The following TRERF1 variants were observed in gnomAD, a reference collection of about 807,000 sequenced individuals.
The protein encoded by TRERF1 is transcriptional-regulating factor 1.
In TRERF1, 27 loss-of-function variants were observed where a neutral mutation model predicts 122.9. That is an observed-to-expected ratio of 0.22 (90% CI 0.16 to 0.30). TRERF1 has a LOEUF of 0.30. TRERF1 is among the 10% of genes least tolerant of loss of function. TRERF1 has a pLI of 1.00. For missense variants in TRERF1, 1,248 were observed against 1,560.3 expected, an observed-to-expected ratio of 0.80 and a Z score of 3.37; for synonymous variants, 636 against 641.7, an observed-to-expected ratio of 0.99 and a Z score of 0.13.
chr6:42,319,666 T>C lies in TRERF1; in HGVS notation c.-370-18917A>G, dbSNP rs997972373. On this transcript the variant is annotated intron_variant, in intron 3 of 17. Coordinates refer to ENST00000372922, the Ensembl canonical transcript of TRERF1. ...GGGAAACCCCATGTCTACAAAAAAA[T>C]GTAAAAATTAACTGGGTGTGATGGT... is the stretch of plus-strand genomic sequence containing the variant. Among the ~76,000 whole-genome samples, 4 of 151,698 alleles carry C rather than the reference T, an allele frequency of 2.6e-5. No homozygotes were observed. In the South Asian group the frequency reaches 6.3e-4, roughly 24 times the overall value.
chr6:42,452,073 C>G (rs1020194989), upstream of TRERF1: 3 of 152,426 alleles, frequency 2.0e-5, no homozygotes, highest in African/African-American at 4.8e-5. Flanking sequence ...TTATCCGCTC[C>G]CCGGTACCCC....
At chr6:42,235,571 C>A (rs1426912585) in intron 16 of TRERF1, among the ~76,000 whole-genome samples, 1 of 152,096 alleles carries the variant, frequency 6.6e-6, no homozygotes, top group Non-Finnish European at 1.5e-5. Context: ...AAAGTAGTAG[C>A]CTCTGTATTT....
chr6:42,429,067 G>A (rs1037840769), intron 2 of TRERF1, among the ~76,000 whole-genome samples: 2 of 152,164 alleles, frequency 1.3e-5, no homozygotes, highest in Non-Finnish European at 1.5e-5. Flanking sequence ...GGCGCTGGGT[G>A]AATGTTACTG....
At chr6:42,382,323 C>A (rs1034508118) in intron 2 of TRERF1, among the ~76,000 whole-genome samples, 1 of 151,700 alleles carries the variant, frequency 6.6e-6, no homozygotes, top group Non-Finnish European at 1.5e-5. Flanking sequence ...TCAGACCCTT[C>A]CAGCCTCAGG....
At chr6:42,328,322 T>TA (rs1159001200) in intron 3 of TRERF1, among the ~76,000 whole-genome samples, 1 of 151,854 alleles carries the variant, frequency 6.6e-6, no homozygotes, top group East Asian at 1.9e-4. Flanking sequence ...TATCCCTAAT[T>TA]AAAAAACAAA....
chr6:42,269,265 C>A lies in TRERF1; in HGVS notation c.326G>T (p.Gly109Val). 6.2e-7 allele frequency: 1 copy of A among 1,614,154 alleles called. No individual in the cohort carries two copies. The highest frequency in any genetic ancestry group is 8.5e-7 in the Non-Finnish European group (1 of 1,180,028). Residue 109 changes from glycine to valine, a missense_variant, in exon 5 of 18, where the codon GGG becomes GTG. Around this residue, in one of 5 missense-constraint regions of TRERF1, gnomAD observed 946 missense variants for 1,073.0 expected, o/e 0.88. Transcript: ENST00000372922. The surrounding 1 kb of genome is among the most constrained non-coding windows in gnomAD (Gnocchi z 4.9). ...AGTGGGCTCAGCCTGGGCTGGTGCC[C>A]CCCACATCATGTTTGAGTTGGCCAG...
intron 3 of TRERF1, among the ~76,000 whole-genome samples, chr6:42,346,919 C>T (rs570941461): frequency 6.6e-6 from 1 of 152,318 alleles, no homozygotes; most frequent in East Asian, 1.9e-4. Flanking sequence ...TGTGTCCTTC[C>T]TGCTGTCCTC....
intron 3 of TRERF1, among the ~76,000 whole-genome samples, chr6:42,328,537 T>C (rs1317509702): frequency 2.6e-5 from 4 of 152,226 alleles, no homozygotes; most frequent in African/African-American, 9.6e-5. Context: ...CTGTTGTTCC[T>C]CTCTTTGTGT....
chr6:42,443,946 T>C (rs1786999660), intron 2 of TRERF1, among the ~76,000 whole-genome samples: 1 of 152,132 alleles, frequency 6.6e-6, no homozygotes, highest in Admixed American at 6.5e-5. Flanking sequence ...TGATTCCCTC[T>C]CACAACTTGA....
chr6:42,340,806 T>C (rs1338362161), intron 3 of TRERF1, among the ~76,000 whole-genome samples: 1 of 152,210 alleles, frequency 6.6e-6, no homozygotes, highest in Non-Finnish European at 1.5e-5. Context: ...TAAATTAACA[T>C]TCTCAGAGGA....
intron 4 of TRERF1, among the ~76,000 whole-genome samples, chr6:42,285,324 A>G (rs540433718): frequency 6.8e-4 from 104 of 152,270 alleles, no homozygotes; most frequent in Non-Finnish European, 1.2e-3. Context: ...ATTTTTGTAC[A>G]TTGATTTTGT....
chr6:42,375,037 A>C (rs147512946), intron 2 of TRERF1, among the ~76,000 whole-genome samples: 152 of 151,094 alleles, frequency 1.0e-3, no homozygotes, highest in Non-Finnish European at 1.5e-3. Flanking sequence ...CATAAGCACC[A>C]ATGTGTTTTG....
At chr6:42,244,027 C>T (rs781381434) in intron 14 of TRERF1, among the ~76,000 whole-genome samples, 9 of 151,496 alleles carry the variant, frequency 5.9e-5, no homozygotes, top group South Asian at 4.2e-4. Flanking sequence ...TACAGGCACC[C>T]GCCACCGCAC....
chr6:42,312,993 G>T (rs1261964198), intron 3 of TRERF1, among the ~76,000 whole-genome samples: 2 of 152,202 alleles, frequency 1.3e-5, no homozygotes. Flanking sequence ...CTCGACCCTG[G>T]GGCAGTGCCC....
chr6:42,377,689 C>G (rs1775151929), intron 2 of TRERF1, among the ~76,000 whole-genome samples: 1 of 152,216 alleles, frequency 6.6e-6, no homozygotes, highest in South Asian at 2.1e-4. Flanking sequence ...CTGTCCAAAC[C>G]CTCCCTACCC....
chr6:42,338,026 A>C (rs562735112), intron 3 of TRERF1, among the ~76,000 whole-genome samples: 4 of 152,296 alleles, frequency 2.6e-5, no homozygotes, highest in African/African-American at 9.6e-5. Context: ...CTGGATTTTA[A>C]CAAGAGCCCC....
intron 3 of TRERF1, among the ~76,000 whole-genome samples, chr6:42,317,714 A>T (rs930992033): frequency 6.6e-6 from 1 of 152,188 alleles, no homozygotes; most frequent in Non-Finnish European, 1.5e-5. Flanking sequence ...AAATTTTAGA[A>T]AACAGATACA....
At chr6:42,352,886 T>C (rs1387816341) in intron 3 of TRERF1, among the ~76,000 whole-genome samples, 1 of 152,238 alleles carries the variant, frequency 6.6e-6, no homozygotes, top group Non-Finnish European at 1.5e-5. Context: ...ATATTGTGAA[T>C]ATAGGATCCA....
At chr6:42,239,203 T>A (rs1393887489) in intron 15 of TRERF1, among the ~76,000 whole-genome samples, 1 of 152,182 alleles carries the variant, frequency 6.6e-6, no homozygotes, top group Non-Finnish European at 1.5e-5. Context: ...TGTGCTGACA[T>A]CATGGTGAGT....
Sources: allele counts gnomAD v4.1 joint callset (sites outside exome capture counted in the v4.1 genomes callset), GRCh38; gene constraint gnomAD v4.1.1; regional missense constraint gnomAD v4.1.1; non-coding constraint Gnocchi (gnomAD v3.1); transcripts MANE v1.5; gene names NCBI Gene and HGNC (gene_info 2026-07-23, HGNC 2026-07-21).